PHF20: variants seen among roughly 807,000 people sequenced by gnomAD.
PHF20 encodes the protein glioma-expressed antigen 2.
In PHF20, 23 loss-of-function variants were observed where a neutral mutation model predicts 113.5. The observed-to-expected ratio is 0.20, with a 90% CI of 0.15 to 0.29. The LOEUF is 0.29. PHF20 is among the 10% of genes least tolerant of loss of function. PHF20 has a pLI of 1.00. For missense variants in PHF20, 943 were observed against 1,219.6 expected (o/e 0.77, Z 3.38); for synonymous variants, 434 against 457.3 (o/e 0.95, Z 0.65).
At chr20:35,863,915 T>C (rs1276539138) in intron 6 of PHF20, among the ~76,000 whole-genome samples, 3 of 152,174 alleles carry the variant, frequency 2.0e-5, no homozygotes, top group Non-Finnish European at 2.9e-5. Context: ...ACAGTCTAAA[T>C]AAAAAGCCGA....
At chr20:35,795,259 C>T (rs780020345) in intron 1 of PHF20, among the ~76,000 whole-genome samples, 37 of 149,206 alleles carry the variant, frequency 2.5e-4, no homozygotes, top group Non-Finnish European at 4.6e-4. Context: ...TTTTTTGAGA[C>T]GAATCTCACT....
Position 35,938,931 on chromosome 20 carries a change from C to G in PHF20, c.2535C>G (p.Arg845=). Residue 845 remains arginine, a synonymous_variant, in exon 16 of 18, where the codon CGC becomes CGG. Transcript: ENST00000374012. Reference sequence around the variant, plus strand: ...GTGAGCATTGCTACCAGAAGCCCCGCGCCTATTACCCTGCCGTGGAGCAGA... The same window carrying G: ...GTGAGCATTGCTACCAGAAGCCCCGGGCCTATTACCCTGCCGTGGAGCAGA... ...ITSEHCYQKP[R]AYYPAVEQKL... The G allele has an allele frequency of 6.2e-7, 1 of 1,614,222 alleles. No homozygotes were observed. Among genetic ancestry groups the G allele is most frequent in the Non-Finnish European group, 8.5e-7 (1 of 1,180,038 alleles).
intron 13 of PHF20, among the ~76,000 whole-genome samples, chr20:35,921,696 C>G (rs1449985003): frequency 1.4e-5 from 2 of 140,912 alleles, no homozygotes; most frequent in Non-Finnish European, 3.1e-5. Flanking sequence ...CCCTCCCCCC[C>G]AAAAAAAAGA....
intron 9 of PHF20, 111 bp downstream of exon 9, chr20:35,871,940 A>G (rs1196030534): frequency 2.9e-6 from 2 of 699,288 alleles, no homozygotes; most frequent in East Asian, 5.6e-5. Flanking sequence ...CCTTTTATTA[A>G]TATTCCCTTA....
intron 6 of PHF20, among the ~76,000 whole-genome samples, chr20:35,865,442 T>A (rs1374651971): frequency 6.6e-6 from 1 of 151,860 alleles, no homozygotes; most frequent in African/African-American, 2.4e-5. Context: ...AAAAAAAATT[T>A]TTTTTAAAGT....
At chr20:35,931,970 T>C (rs1488371836) in intron 15 of PHF20, among the ~76,000 whole-genome samples, 1 of 151,990 alleles carries the variant, frequency 6.6e-6, no homozygotes, top group East Asian at 1.9e-4. Context: ...AAAGAGTTCA[T>C]TGAATTTTGA....
chr20:35,917,685 A>G, intron 13 of PHF20, 23 bp downstream of exon 13: 1 of 1,597,712 alleles, frequency 6.3e-7, no homozygotes, highest in Non-Finnish European at 8.5e-7. Flanking sequence ...TCCAGGAAAC[A>G]GGTCTAGAGA....
chr20:35,882,663 G>T (rs975770764), intron 9 of PHF20, among the ~76,000 whole-genome samples: 1 of 152,178 alleles, frequency 6.6e-6, no homozygotes, highest in Non-Finnish European at 1.5e-5. Flanking sequence ...CTGGGCCTCC[G>T]CCTTGGCCTC....
At chr20:35,899,781 G>A (rs1003630126) in intron 10 of PHF20, 133 bp downstream of exon 10, 56 of 933,150 alleles carry the variant, frequency 6.0e-5, no homozygotes, top group Admixed American at 2.2e-4. Context: ...AACATATTAA[G>A]TGATCCTCTG....
intron 2 of PHF20, among the ~76,000 whole-genome samples, chr20:35,807,462 C>T (rs2041904757): frequency 6.6e-6 from 1 of 150,830 alleles, no homozygotes. Flanking sequence ...AAGCAGTTCT[C>T]CCTGCCTCAG....
At chr20:35,791,757 A>G (rs1227380511) in intron 1 of PHF20, among the ~76,000 whole-genome samples, 1 of 151,892 alleles carries the variant, frequency 6.6e-6, no homozygotes, top group Admixed American at 6.6e-5. Context: ...CCACTTGGCA[A>G]TGGCTGAGAC....
chr20:35,832,010 T>C (rs1444432337), intron 2 of PHF20, among the ~76,000 whole-genome samples: 1 of 152,214 alleles, frequency 6.6e-6, no homozygotes, highest in Non-Finnish European at 1.5e-5. Context: ...AGCCCATCCA[T>C]AAGATCCTCC....
intron 1 of PHF20, among the ~76,000 whole-genome samples, chr20:35,796,093 G>T (rs767519886): frequency 6.6e-6 from 1 of 151,994 alleles, no homozygotes; most frequent in African/African-American, 2.4e-5. Flanking sequence ...CTCATGATCC[G>T]CCCGCCTTGG....
chr20:35,858,675 A>G (rs1261475600), intron 5 of PHF20, among the ~76,000 whole-genome samples: 1 of 152,206 alleles, frequency 6.6e-6, no homozygotes, highest in South Asian at 2.1e-4. Flanking sequence ...GGTTCAAGCA[A>G]TTCTCCTGTC....
At chr20:35,799,141 A>G (rs2041727277) in intron 1 of PHF20, among the ~76,000 whole-genome samples, 1 of 152,036 alleles carries the variant, frequency 6.6e-6, no homozygotes, top group South Asian at 2.1e-4. Context: ...TTGCTTGGGC[A>G]GTGTAGGCTG....
chr20:35,797,947 G>T (rs538765716), intron 1 of PHF20, among the ~76,000 whole-genome samples: 1 of 152,174 alleles, frequency 6.6e-6, no homozygotes, highest in East Asian at 1.9e-4. Context: ...ACTGCGCCTA[G>T]CCTGGAATGG....
rs1314497212 is a variant in PHF20, at chr20:35,917,008, C to T, written c.1826-476C>T. ...TGAACTCTTGAGTGCAAGCAATCCT[C>T]CTCCTTCGGCCTCCCAAAATGCTGG... On this transcript the variant is annotated intron_variant, in intron 12 of 17. Coordinates refer to ENST00000374012, the MANE Select transcript of PHF20 (RefSeq NM_016436.5). Among the ~76,000 whole-genome samples, 4 of 152,176 alleles carry T rather than the reference C, an allele frequency of 2.6e-5. No homozygotes were observed. In the East Asian group the frequency reaches 5.8e-4, roughly 22 times the overall value.
chr20:35,784,283 A>G (rs1051009470), intron 1 of PHF20, among the ~76,000 whole-genome samples: 5 of 151,372 alleles, frequency 3.3e-5, no homozygotes, highest in African/African-American at 9.7e-5. Flanking sequence ...TGAACTCCTG[A>G]CCTTGTGATC....
intron 1 of PHF20, among the ~76,000 whole-genome samples, chr20:35,789,259 C>T (rs112837782): frequency 6.6e-6 from 1 of 151,686 alleles, no homozygotes; most frequent in Non-Finnish European, 1.5e-5. Context: ...GAGACTAGCC[C>T]GTCTCTAGTA....
Sources: allele counts gnomAD v4.1 joint callset (sites outside exome capture counted in the v4.1 genomes callset), GRCh38; gene constraint gnomAD v4.1.1; transcripts MANE v1.5; gene names NCBI Gene and HGNC (gene_info 2026-07-23, HGNC 2026-07-21).